Variants in EPHA6 observed in about 807,000 individuals in gnomAD.
EPHA6 encodes the protein EPH receptor A6.
A neutral mutation model predicts 112.0 loss-of-function variants in EPHA6; 50 were observed. The observed-to-expected ratio is 0.45, with a 90% CI of 0.36 to 0.56. The LOEUF is 0.56. Ranked by LOEUF, EPHA6 falls within the 20% of genes least tolerant of loss-of-function variation. The pLI, the probability that EPHA6 is intolerant of heterozygous loss-of-function variation, is 0.00. For missense variants in EPHA6, 1,280 were observed against 1,417.4 expected (o/e 0.90, Z 1.56); for synonymous variants, 529 against 490.7 (o/e 1.08, Z -1.03).
intron 5 of EPHA6, among the ~76,000 whole-genome samples, chr3:97,256,102 G>A (rs1217343222): frequency 1.3e-5 from 2 of 152,070 alleles, no homozygotes; most frequent in Admixed American, 6.6e-5. Flanking sequence ...ACCCGTCAAA[G>A]CAGAGATCCT....
intron 5 of EPHA6, among the ~76,000 whole-genome samples, chr3:97,296,008 T>C (rs1275298439): frequency 6.6e-6 from 1 of 152,178 alleles, no homozygotes; most frequent in Non-Finnish European, 1.5e-5. Context: ...TGGATATTCA[T>C]GCAGCTTGCT....
chr3:97,358,767 T>C (rs781732586), intron 5 of EPHA6, among the ~76,000 whole-genome samples: 2 of 152,058 alleles, frequency 1.3e-5, no homozygotes, highest in Non-Finnish European at 2.9e-5. Context: ...TTGACTCAGG[T>C]TTGTTTATCT....
At chr3:96,888,925 A>C (rs1471146940) in intron 2 of EPHA6, among the ~76,000 whole-genome samples, 1 of 152,130 alleles carries the variant, frequency 6.6e-6, no homozygotes, top group Admixed American at 6.5e-5. Context: ...CATAAAACTG[A>C]ATGCCTTTAA....
At chr3:97,343,967 T>C (rs2108869001) in intron 5 of EPHA6, among the ~76,000 whole-genome samples, 1 of 152,290 alleles carries the variant, frequency 6.6e-6, no homozygotes, top group African/African-American at 2.4e-5. Flanking sequence ...TGGATTTGCT[T>C]GGGGCCTATT....
At chr3:97,279,893 T>A (rs1259135313) in intron 5 of EPHA6, among the ~76,000 whole-genome samples, 1 of 152,040 alleles carries the variant, frequency 6.6e-6, no homozygotes, top group East Asian at 1.9e-4. Context: ...CGTTTGTTTT[T>A]GTTTTTTTTG....
intron 5 of EPHA6, among the ~76,000 whole-genome samples, chr3:97,379,556 C>T (rs1032729536): frequency 4.6e-5 from 7 of 151,460 alleles, no homozygotes. Context: ...TGAGACCAGC[C>T]TGACCAACAT....
intron 11 of EPHA6, among the ~76,000 whole-genome samples, chr3:97,561,755 A>C (rs2093195720): frequency 6.6e-6 from 1 of 152,158 alleles, no homozygotes; most frequent in African/African-American, 2.4e-5. Context: ...AGATTCTTCT[A>C]GAAATTTCAT....
chr3:97,172,835 G>A (rs916965765), intron 3 of EPHA6, among the ~76,000 whole-genome samples: 5 of 151,826 alleles, frequency 3.3e-5, no homozygotes, highest in African/African-American at 9.7e-5. Context: ...TCAAATGACC[G>A]GTTACAAAGC....
In EPHA6 at chr3:97,376,694, T is replaced by C. The variant is rs188205611; in HGVS notation, c.1607-28456T>C. 3.7e-3 allele frequency among the ~76,000 whole-genome samples: 561 copies of C among 152,328 alleles called. 2 individuals are homozygous for C. Among genetic ancestry groups the C allele is most frequent in the African/African-American group, 0.013 (522 of 41,578 alleles). Reference sequence around the variant, plus strand: ...GTGCTGCTTCAATGAGACAGCAAGATTCCTGCTCAGGTCATTATTTTCTAC... The same window carrying C: ...GTGCTGCTTCAATGAGACAGCAAGACTCCTGCTCAGGTCATTATTTTCTAC... On this transcript the variant is annotated intron_variant, in intron 5 of 17. Transcript: ENST00000389672.
intron 15 of EPHA6, among the ~76,000 whole-genome samples, chr3:97,728,024 TA>T (rs2034854008): frequency 6.6e-6 from 1 of 151,228 alleles, no homozygotes; most frequent in Admixed American, 6.6e-5. Context: ...AAAAATTAAT[TA>T]TACCTTTAAT....
intron 5 of EPHA6, among the ~76,000 whole-genome samples, chr3:97,350,896 A>G (rs1271884785): frequency 1.3e-5 from 2 of 152,150 alleles, no homozygotes; most frequent in South Asian, 4.1e-4. Flanking sequence ...AATAGGAAGG[A>G]AAAGATAACC....
intron 14 of EPHA6, among the ~76,000 whole-genome samples, chr3:97,700,105 G>A (rs895250545): frequency 5.3e-5 from 8 of 152,176 alleles, no homozygotes; most frequent in South Asian, 4.1e-4. Flanking sequence ...ACCACAAAAA[G>A]CACAGCAATT....
intron 14 of EPHA6, among the ~76,000 whole-genome samples, chr3:97,708,074 CA>C (rs1397585280): frequency 6.6e-6 from 1 of 152,152 alleles, no homozygotes; most frequent in Non-Finnish European, 1.5e-5. Flanking sequence ...AATGTGAAAG[CA>C]ACTTTGGAAC....
chr3:97,456,559 A>G (rs1450875284), intron 7 of EPHA6, among the ~76,000 whole-genome samples: 3 of 152,070 alleles, frequency 2.0e-5, no homozygotes, highest in Admixed American at 2.0e-4. Context: ...TGCTTCAAAC[A>G]CATGTATTTT....
chr3:97,599,931 CTT>C (rs1297536130), intron 12 of EPHA6, among the ~76,000 whole-genome samples: 7 of 152,124 alleles, frequency 4.6e-5, no homozygotes, highest in African/African-American at 1.7e-4. Context: ...TTTGTATCCT[CTT>C]TTATTTCCTT....
intron 3 of EPHA6, among the ~76,000 whole-genome samples, chr3:97,144,939 C>A (rs551497717): frequency 4.6e-5 from 7 of 151,418 alleles, no homozygotes; most frequent in Non-Finnish European, 1.0e-4. Context: ...ATTTCTTCTG[C>A]CTTTTTCTTA....
At chr3:97,585,271 A>G (rs2093477800) in intron 11 of EPHA6, among the ~76,000 whole-genome samples, 1 of 152,222 alleles carries the variant, frequency 6.6e-6, no homozygotes, top group Admixed American at 6.5e-5. Flanking sequence ...TTGCTTTTAA[A>G]AAGTCGAAGA....
chr3:97,760,396 G>A lies in EPHA6; in HGVS notation c.*11695G>A, dbSNP rs2036130628. On this transcript the variant is annotated 3_prime_UTR_variant, in exon 18 of 18. Transcript: ENST00000389672. ...CATATGTATATATACATATGTATGT[G>A]TGTATGTGTGTATATATATCTCTCT... 1 of 162,988 alleles carries A rather than the reference G, an allele frequency of 6.1e-6. No individual in the cohort carries two copies. The highest frequency in any genetic ancestry group is 1.3e-5 in the Non-Finnish European group (1 of 75,704). The allele number at this position is 162,988 out of a possible 1,614,324, so 10.1% of individuals were successfully genotyped here.
chr3:97,648,438 G>T, intron 14 of EPHA6: 2 of 1,381,928 alleles, frequency 1.4e-6, no homozygotes, highest in Admixed American at 3.2e-5. Context: ...GGTATTTAAT[G>T]TGTATTTTAA....
Sources: allele counts gnomAD v4.1 joint callset (sites outside exome capture counted in the v4.1 genomes callset), GRCh38; gene constraint gnomAD v4.1.1; transcripts MANE v1.5; gene names NCBI Gene and HGNC (gene_info 2026-07-23, HGNC 2026-07-21).